The following IRAG1 variants were observed in gnomAD, a reference collection of about 807,000 sequenced individuals.
IRAG1 encodes the protein inositol 1,4,5-triphosphate receptor associated 1, also known as IP3R-associated cGMP kinase substrate.
Under a neutral mutation model 106.2 loss-of-function variants are expected in IRAG1, and 62 were observed. The observed-to-expected ratio is 0.58, with a 90% CI of 0.48 to 0.72. The LOEUF is 0.72. IRAG1 is among the 30% of genes least tolerant of loss of function. The pLI, the probability that IRAG1 is intolerant of heterozygous loss-of-function variation, is 0.00. For missense variants in IRAG1, 1,064 were observed against 1,140.7 expected (o/e 0.93, Z 0.97); for synonymous variants, 462 against 443.9 (o/e 1.04, Z -0.51).
At chr11:10,610,125 T>C (rs1591602978) in intron 10 of IRAG1, among the ~76,000 whole-genome samples, 1 of 152,194 alleles carries the variant, frequency 6.6e-6, no homozygotes, top group Non-Finnish European at 1.5e-5. Context: ...GCTTCAAATG[T>C]TATGTTCTTC....
At chr11:10,584,069 T>C (rs1354911131) in intron 18 of IRAG1, among the ~76,000 whole-genome samples, 3 of 152,138 alleles carry the variant, frequency 2.0e-5, no homozygotes, top group African/African-American at 4.8e-5. Context: ...TTAAAGGAAG[T>C]ATCCAGATGG....
chr11:10,638,506 TCTGA>T (rs1432915683), intron 2 of IRAG1, among the ~76,000 whole-genome samples: 5 of 124,016 alleles, frequency 4.0e-5, no homozygotes, highest in African/African-American at 1.5e-4. Context: ...CAATGGAAAC[TCTGA>T]CTGTGCTTAT....
At position 10,655,495 on chromosome 11, in the gene IRAG1, C is replaced by T. The variant is rs74493894; in HGVS notation, c.68-3313G>A. 9.4e-3 allele frequency among the ~76,000 whole-genome samples: 1,435 copies of T among 152,276 alleles called. 23 individuals are homozygous for T. The highest frequency in any genetic ancestry group is 0.033 in the African/African-American group (1,375 of 41,540). Reference sequence around the variant, plus strand: ...TGAAAGGTCAGATGAAGGCAAGGGACGACCTTCTAGTGGTTGGAACCACCT... The same window carrying T: ...TGAAAGGTCAGATGAAGGCAAGGGATGACCTTCTAGTGGTTGGAACCACCT... On this transcript the variant is annotated intron_variant, in intron 1 of 20. Coordinates refer to ENST00000423302, the MANE Select transcript of IRAG1 (RefSeq NM_130385.4).
intron 10 of IRAG1, among the ~76,000 whole-genome samples, chr11:10,613,819 T>C (rs891765121): frequency 2.0e-5 from 3 of 152,214 alleles, no homozygotes; most frequent in African/African-American, 7.2e-5. Context: ...GTATTCTTGA[T>C]GTTCTGTCAC....
intron 14 of IRAG1, 130 bp from the exon 15 acceptor site, chr11:10,601,189 G>A (rs1195382784): frequency 2.2e-5 from 29 of 1,297,558 alleles, no homozygotes; most frequent in Non-Finnish European, 2.5e-5. Context: ...GCCCTCTGAA[G>A]AGTTTGCTGT....
In IRAG1 at chr11:10,623,787, G is replaced by A. The variant is rs1381433206; in HGVS notation, c.1438C>T (p.Gln480Ter). 6.2e-7 allele frequency: 1 copy of A among 1,613,870 alleles called. No individual in the cohort carries two copies. Among genetic ancestry groups the A allele is most frequent in the Non-Finnish European group, 8.5e-7 (1 of 1,179,888 alleles). Residue 480 changes from glutamine (Q) to a stop codon, truncating the protein, a stop_gained, in exon 10 of 21, where the codon CAG becomes TAG. Transcript: ENST00000423302. LOFTEE classifies it high-confidence loss of function. Reference protein sequence around the residue: ...KLPDLSEAAEQEKGLPSELSP... With the variant: ...KLPDLSEAAE ...CCCCAACCCCACCTACCTTTTTCCT[G>A]CTCAGCTGCTTCACTAAGGTCTGGA...
Position 10,665,360 on chromosome 11 carries a change from C to A in IRAG1, c.68-13178G>T, listed in dbSNP as rs1859708471. On this transcript the variant is annotated intron_variant, in intron 1 of 20. Transcript: ENST00000423302. This position sits in a 1 kb window ranked among gnomAD's most constrained non-coding sequence, Gnocchi z 4.2. The stretch of plus-strand genomic sequence containing the variant: ...CTCTCCAGGATGCCTGTCCCCACTT[C>A]TTTTTACTAATACACACATCTAAAC... Among the ~76,000 whole-genome samples the A allele has an allele frequency of 6.6e-6, 1 of 152,214 alleles. No homozygotes were observed. The highest frequency in any genetic ancestry group is 2.4e-5 in the African/African-American group (1 of 41,444).
intron 13 of IRAG1, 49 bp from the exon 14 acceptor site, chr11:10,603,300 A>T (rs1854187556): frequency 6.3e-7 from 1 of 1,596,586 alleles, no homozygotes; most frequent in Non-Finnish European, 8.6e-7. Flanking sequence ...AATGTTATGG[A>T]CTAAATCAGC....
chr11:10,643,092 G>T (rs564105837), intron 2 of IRAG1, among the ~76,000 whole-genome samples: 1 of 139,626 alleles, frequency 7.2e-6, no homozygotes, highest in Non-Finnish European at 1.5e-5. Flanking sequence ...GGAGAATGGC[G>T]TGAACCCAGG....
intron 17 of IRAG1, 169 bp downstream of exon 17, chr11:10,593,323 A>G (rs1591565100): frequency 1.9e-6 from 1 of 538,568 alleles, no homozygotes; most frequent in South Asian, 2.2e-5. Context: ...GAATACATGC[A>G]GCCTGGTGTA....
chr11:10,576,240 A>G lies in IRAG1; in HGVS notation c.*92T>C. ...CTCATGACCTGATGGGATGGGCGGC[A>G]GTGTGTCCACACTTGGGCCTGACGT... On this transcript the variant is annotated 3_prime_UTR_variant, in exon 21 of 21. Coordinates refer to ENST00000423302, the MANE Select transcript of IRAG1 (RefSeq NM_130385.4). 6.5e-7 allele frequency: 1 copy of G among 1,533,750 alleles called. No homozygotes were observed. Among genetic ancestry groups the G allele is most frequent in the South Asian group, 1.2e-5 (1 of 84,506 alleles).
chr11:10,593,365 T>G (rs1774922346), intron 17 of IRAG1, 127 bp downstream of exon 17: 3 of 677,844 alleles, frequency 4.4e-6, no homozygotes, highest in Non-Finnish European at 7.5e-6. Flanking sequence ...ACTCAGATTC[T>G]ATTCTGGAAA....
chr11:10,672,701 A>G (rs1305967996), intron 1 of IRAG1, among the ~76,000 whole-genome samples: 2 of 152,238 alleles, frequency 1.3e-5, no homozygotes, highest in East Asian at 3.9e-4. Context: ...AAGAAACTAG[A>G]ACCCTTATAT....
At chr11:10,645,061 T>C (rs1857834576) in intron 2 of IRAG1, among the ~76,000 whole-genome samples, 1 of 152,230 alleles carries the variant, frequency 6.6e-6, no homozygotes, top group Non-Finnish European at 1.5e-5. Flanking sequence ...AGAACTGGCA[T>C]TTGGTAGTAA....
chr11:10,596,831 A>C (rs1853368721), intron 15 of IRAG1, among the ~76,000 whole-genome samples: 1 of 152,228 alleles, frequency 6.6e-6, no homozygotes, highest in South Asian at 2.1e-4. Context: ...TTAATAGCAT[A>C]GTAATAATAA....
intron 18 of IRAG1, among the ~76,000 whole-genome samples, chr11:10,586,935 A>G (rs80337281): frequency 0.014 from 2,179 of 152,304 alleles, 53 homozygotes; most frequent in African/African-American, 0.05. Flanking sequence ...GGAATGTTGT[A>G]AAAGGCACAA....
At chr11:10,631,040 G>T (rs1453355299) in intron 4 of IRAG1, among the ~76,000 whole-genome samples, 1 of 152,176 alleles carries the variant, frequency 6.6e-6, no homozygotes, top group Non-Finnish European at 1.5e-5. Context: ...TGGAGTTGCT[G>T]GTAGCTATTG....
chr11:10,619,709 A>C (rs1855690844), intron 10 of IRAG1, among the ~76,000 whole-genome samples: 1 of 152,226 alleles, frequency 6.6e-6, no homozygotes, highest in South Asian at 2.1e-4. Flanking sequence ...AGCTTAGTGA[A>C]GTAGGTACTG....
rs747750344 is a variant in IRAG1 at position 10,576,334 on chromosome 11, A to G, written c.2737T>C (p.Ter913GlnextTer11). ...GCACTGGCTAGGTGTGAGGTTTCCTACTGCTCTGTAGGCTGCTCATGCTGG... is the reference window on the plus strand; with the variant it reads ...GCACTGGCTAGGTGTGAGGTTTCCTGCTGCTCTGTAGGCTGCTCATGCTGG... Reference protein sequence around the residue: ...GLQHEQPTEQ* With the variant: ...GLQHEQPTEQQ Residue 913 changes from the stop codon to glutamine, a stop_lost, in exon 21 of 21, where the codon TAG becomes CAG. Coordinates refer to ENST00000423302, the MANE Select transcript of IRAG1 (RefSeq NM_130385.4). 6 of 1,613,626 alleles carry G rather than the reference A, an allele frequency of 3.7e-6. No homozygotes were observed. The highest frequency in any genetic ancestry group is 5.1e-6 in the Non-Finnish European group (6 of 1,179,860).
Sources: allele counts gnomAD v4.1 joint callset (sites outside exome capture counted in the v4.1 genomes callset), GRCh38; gene constraint gnomAD v4.1.1; non-coding constraint Gnocchi (gnomAD v3.1); transcripts MANE v1.5; gene names NCBI Gene and HGNC (gene_info 2026-07-23, HGNC 2026-07-21).